The following PGAP2 variants were observed in gnomAD, a reference collection of about 807,000 sequenced individuals.
The protein encoded by PGAP2 is acyltransferase PGAP2.
In PGAP2, 21 loss-of-function variants were observed where a neutral mutation model predicts 33.2. The observed-to-expected ratio is 0.63, with a 90% CI of 0.45 to 0.91. PGAP2 has a LOEUF of 0.91. Ranked by LOEUF, PGAP2 falls within the 40% of genes least tolerant of loss-of-function variation. PGAP2 has a pLI of 0.00. For missense variants in PGAP2, 345 were observed against 424.0 expected (o/e 0.81, Z 1.64); for synonymous variants, 161 against 172.9 (o/e 0.93, Z 0.54).
chr11:3,814,517 A>G (rs185039915), intron 2 of PGAP2, among the ~76,000 whole-genome samples: 281 of 151,810 alleles, frequency 1.9e-3, no homozygotes, highest in African/African-American at 6.6e-3. Context: ...TTGGCCTCCC[A>G]AAGTGCTAGG....
chr11:3,797,864 C>T, exon 1 of PGAP2: 1 of 1,550,352 alleles, frequency 6.5e-7, no homozygotes. Flanking sequence ...TGGGAAGCAC[C>T]GGCGGGGTGT....
chr11:3,819,767 C>T (rs1333303907), intron 3 of PGAP2, among the ~76,000 whole-genome samples: 1 of 151,914 alleles, frequency 6.6e-6, no homozygotes, highest in Non-Finnish European at 1.5e-5. Flanking sequence ...CTGGTGCAGT[C>T]GATGAGTGGG....
chr11:3,798,238 T>C, intron 1 of PGAP2: 1 of 906,654 alleles, frequency 1.1e-6, no homozygotes, highest in Non-Finnish European at 1.5e-6. Flanking sequence ...GCATTAGAGA[T>C]GCCCTAAGGG....
intron 1 of PGAP2, among the ~76,000 whole-genome samples, chr11:3,798,281 G>T (rs2082866647): frequency 6.6e-6 from 1 of 152,198 alleles, no homozygotes. Flanking sequence ...TACAAATGAG[G>T]ATTGTTGGAA....
chr11:3,812,596 G>A (rs1342791709), intron 2 of PGAP2, among the ~76,000 whole-genome samples: 2 of 152,192 alleles, frequency 1.3e-5, no homozygotes, highest in Non-Finnish European at 2.9e-5. Context: ...GGCAGGAAAT[G>A]AACTTAACCT....
At position 3,817,669 on chromosome 11, in the gene PGAP2, A is replaced by T. The variant is rs61899363; in HGVS notation, c.348+134A>T. ...CAAGGGGATGGGGGAAGGGTAGGTA[A>T]GTCAGAGTCAGAGATAATTCATGGG... On this transcript the variant is annotated intron_variant, in intron 3 of 6. Coordinates refer to ENST00000278243, the MANE Select transcript of PGAP2 (RefSeq NM_014489.4). The T allele has an allele frequency of 0.11, 81,163 of 747,546 alleles. 5,170 individuals are homozygous for T. Among genetic ancestry groups the T allele is most frequent in the Middle Eastern group, 0.15 (653 of 4,454 alleles). The allele number at this position is 747,546 out of a possible 1,614,324, so 46.3% of individuals were successfully genotyped here.
intron 1 of PGAP2, among the ~76,000 whole-genome samples, chr11:3,799,688 G>A (rs75946608): frequency 0.015 from 2,263 of 152,024 alleles, 59 homozygotes; most frequent in African/African-American, 0.052. Flanking sequence ...AAAAATGGGA[G>A]ACTGGGAGTG....
intron 5 of PGAP2, chr11:3,824,719 T>A (rs2135070835): frequency 8.8e-7 from 1 of 1,136,758 alleles, no homozygotes; most frequent in South Asian, 1.7e-5. Flanking sequence ...TGTACATGGG[T>A]TTCTTTTCCC....
At chr11:3,798,228 GC>G (rs2082857126) in intron 1 of PGAP2, 1 of 993,746 alleles carries the variant, frequency 1.0e-6, no homozygotes. Context: ...GACATTAGGA[GC>G]ATTAGAGATG....
At chr11:3,817,709 G>C in intron 3 of PGAP2, 174 bp downstream of exon 3, 1 of 706,246 alleles carries the variant, frequency 1.4e-6, no homozygotes, top group South Asian at 1.5e-5. Context: ...GACTCAGAGA[G>C]AATAGAATCA....
upstream of PGAP2, among the ~76,000 whole-genome samples, chr11:3,807,038 A>G (rs2084495401): frequency 6.8e-6 from 1 of 147,250 alleles, no homozygotes; most frequent in Non-Finnish European, 1.5e-5. Flanking sequence ...AAAGAGAGAA[A>G]GAAAGAAAAA....
In PGAP2 at chr11:3,817,386, C is replaced by T; in HGVS notation, c.199C>T (p.Gln67Ter). The change falls in exon 3 of 7, where the codon CAG becomes TAG. Residue 67 changes from glutamine (Q) to a stop codon, truncating the protein, a stop_gained. Coordinates refer to ENST00000278243, the MANE Select transcript of PGAP2 (RefSeq NM_014489.4). LOFTEE classifies it high-confidence loss of function. ...TPCRMFSAAS[Q>*]PLDPDGTLFR... ...CTGCAGGATGTTCTCTGCGGCCTCC[C>T]AGCCTTTGGACCCCGATGGGACCTT... The T allele has an allele frequency of 6.2e-7, 1 of 1,614,204 alleles. No homozygotes were observed. The highest frequency in any genetic ancestry group is 8.5e-7 in the Non-Finnish European group (1 of 1,180,020).
rs369230650 is a variant in PGAP2, at chr11:3,823,972, G to T, written c.438G>T (p.Ser146=). 8.7e-6 allele frequency: 14 copies of T among 1,612,020 alleles called. No individual in the cohort carries two copies. Among genetic ancestry groups the T allele is most frequent in the Non-Finnish European group, 1.1e-5 (13 of 1,179,992 alleles). Residue 146 remains serine (S), a synonymous_variant, in exon 4 of 7, where the codon TCG becomes TCT. Transcript: ENST00000278243. ...GGCGTTTCTGCATCGGCCTGCACTC[G>T]GCGCCTCGCTTCTTGGTGGCCTTCG... The part of the protein sequence containing the change: ...YVWRFCIGLH[S]APRFLVAFAY...
chr11:3,823,994 T>A lies in PGAP2; in HGVS notation c.460T>A (p.Phe154Ile), dbSNP rs1303011695. The part of the protein sequence containing the change: ...LHSAPRFLVA[F>I]AYWNHYLSCT... ...CTCGGCGCCTCGCTTCTTGGTGGCC[T>A]TCGCCTACTGGAACCACTACCTCAG... The change falls in exon 4 of 7, where the codon TTC (phenylalanine) becomes ATC (isoleucine). Residue 154 changes from phenylalanine (F) to isoleucine (I), a missense_variant. Phe to Ile is a conservative substitution (Grantham distance 21). This residue lies in a region of PGAP2 where 311 missense variants were observed against 353.6 expected (regional missense o/e 0.88). Coordinates refer to ENST00000278243, the MANE Select transcript of PGAP2 (RefSeq NM_014489.4). The A allele has an allele frequency of 6.2e-7, 1 of 1,613,622 alleles. No homozygotes were observed. Among genetic ancestry groups the A allele is most frequent in the African/African-American group, 1.3e-5 (1 of 74,916 alleles).
chr11:3,797,967 G>A, exon 1 of PGAP2: 1 of 1,546,722 alleles, frequency 6.5e-7, no homozygotes, highest in South Asian at 1.2e-5. Context: ...CAGAGGGACG[G>A]CCCCAGAATG....
At chr11:3,821,281 A>C (rs1353751826) in intron 3 of PGAP2, among the ~76,000 whole-genome samples, 1 of 152,216 alleles carries the variant, frequency 6.6e-6, no homozygotes, top group Non-Finnish European at 1.5e-5. Flanking sequence ...CATTGAAAGA[A>C]AGGAATGATG....
intron 1 of PGAP2, among the ~76,000 whole-genome samples, chr11:3,798,604 T>A (rs1265285142): frequency 6.6e-6 from 1 of 151,228 alleles, no homozygotes; most frequent in East Asian, 1.9e-4. Flanking sequence ...GTGCTGGGAT[T>A]ACAGACGTGA....
chr11:3,800,538 G>A (rs572977953), intron 1 of PGAP2, among the ~76,000 whole-genome samples: 8 of 152,124 alleles, frequency 5.3e-5, no homozygotes, highest in South Asian at 2.1e-4. Context: ...TGGGCCAGGC[G>A]GGATGGCTCA....
At chr11:3,821,520 G>A (rs1415164413) in intron 3 of PGAP2, among the ~76,000 whole-genome samples, 2 of 152,202 alleles carry the variant, frequency 1.3e-5, no homozygotes, top group South Asian at 2.1e-4. Flanking sequence ...CACTTTGGGA[G>A]GCCGAGGCAG....
Sources: allele counts gnomAD v4.1 joint callset (sites outside exome capture counted in the v4.1 genomes callset), GRCh38; gene constraint gnomAD v4.1.1; regional missense constraint gnomAD v4.1.1; transcripts MANE v1.5; gene names NCBI Gene and HGNC (gene_info 2026-07-23, HGNC 2026-07-21).